Variants in UBA2 observed in about 807,000 individuals in gnomAD.
The protein encoded by UBA2 is ubiquitin like modifier activating enzyme 2, also known as SUMO-activating enzyme subunit 2.
UBA2 carries 11 observed loss-of-function variants against 77.2 expected under a neutral mutation model. The observed-to-expected ratio is 0.14, with a 90% CI of 0.09 to 0.24. The LOEUF (loss-of-function observed/expected upper bound fraction) is 0.24, where lower values mean the gene tolerates loss of function less well. Among genes scored for constraint, UBA2 ranks in the 10% least tolerant of loss-of-function variants. The probability of loss-of-function intolerance (pLI) is 1.00; values close to 1 mark genes in which losing one functional copy is unlikely to be tolerated. For synonymous variants in UBA2, 278 were observed against 276.7 expected, an observed-to-expected ratio of 1.00 and a Z score of -0.05; for missense variants, 487 against 781.7, an observed-to-expected ratio of 0.62 and a Z score of 4.50.
chr19:34,431,436 G>T (rs2075254507), intron 2 of UBA2, among the ~76,000 whole-genome samples: 2 of 151,258 alleles, frequency 1.3e-5, no homozygotes, highest in African/African-American at 2.4e-5. Context: ...CATTCTCATG[G>T]CATTTATCAG....
At position 34,457,179 on chromosome 19, in the gene UBA2, A is replaced by AAAATATAT. The variant is rs1262007864; in HGVS notation, c.1246-1589_1246-1588insAATATATA. ...CCTGGTCTCTACTAAAAAAAAAAAA[A>AAAATATAT]ATATATATATATATATATATATATA... On this transcript the variant is annotated intron_variant, in intron 12 of 16. Transcript: ENST00000246548. 1.0e-3 allele frequency among the ~76,000 whole-genome samples: 53 copies of AAAATATAT among 53,222 alleles called. 1 individual carries two copies. The highest frequency in any genetic ancestry group is 6.0e-3 in the African/African-American group (51 of 8,530). The allele number at this position is 53,222 out of a possible 152,430, so 34.9% of individuals were successfully genotyped here.
intron 12 of UBA2, among the ~76,000 whole-genome samples, chr19:34,456,679 T>TC (rs2075566006): frequency 6.6e-6 from 1 of 151,912 alleles, no homozygotes; most frequent in Non-Finnish European, 1.5e-5. Flanking sequence ...TGCCTCAGCC[T>TC]CCCCAGTAGC....
intron 12 of UBA2, among the ~76,000 whole-genome samples, chr19:34,456,329 G>A (rs967991998): frequency 1.3e-5 from 2 of 151,178 alleles, no homozygotes; most frequent in Non-Finnish European, 2.9e-5. Flanking sequence ...GCCCAGATTG[G>A]TCTCAAACTC....
chr19:34,452,890 C>T (rs890206229), intron 10 of UBA2, among the ~76,000 whole-genome samples: 6 of 152,124 alleles, frequency 3.9e-5, no homozygotes, highest in African/African-American at 1.4e-4. Flanking sequence ...TATTTAGATT[C>T]TTGGGATTCT....
chr19:34,428,680 G>T, intron 1 of UBA2, 110 bp downstream of exon 1: 2 of 1,214,494 alleles, frequency 1.6e-6, no homozygotes, highest in Non-Finnish European at 2.1e-6. Flanking sequence ...GCCCGGGACC[G>T]GAGTTGCGGA....
At chr19:34,448,864 A>G (rs917906367) in intron 8 of UBA2, among the ~76,000 whole-genome samples, 1 of 152,086 alleles carries the variant, frequency 6.6e-6, no homozygotes, top group East Asian at 1.9e-4. Flanking sequence ...GGGGCTCCTG[A>G]TATTTAGTAA....
At chr19:34,464,974 G>A (rs1051256492) in intron 15 of UBA2, among the ~76,000 whole-genome samples, 1 of 152,118 alleles carries the variant, frequency 6.6e-6, no homozygotes, top group Non-Finnish European at 1.5e-5. Flanking sequence ...GGAGGCAGAG[G>A]TTGCAGTGAG....
chr19:34,431,316 G>C (rs1028819921), intron 2 of UBA2, among the ~76,000 whole-genome samples: 2 of 137,290 alleles, frequency 1.5e-5, no homozygotes, highest in African/African-American at 5.4e-5. Flanking sequence ...GGAGTGATGC[G>C]GTCATGGCTT....
chr19:34,430,555 C>A (rs776350927), intron 1 of UBA2, 21 bp from the exon 2 acceptor site: 5 of 1,586,868 alleles, frequency 3.2e-6, no homozygotes, highest in Non-Finnish European at 4.3e-6. Flanking sequence ...TGTCATTTAT[C>A]TGGGGTTTAT....
chr19:34,439,660 T>G (rs1185169510), intron 6 of UBA2, among the ~76,000 whole-genome samples: 1 of 151,864 alleles, frequency 6.6e-6, no homozygotes, highest in East Asian at 1.9e-4. Context: ...CAAAACCGTG[T>G]CTCTACAAAA....
intron 15 of UBA2, among the ~76,000 whole-genome samples, chr19:34,465,101 C>T (rs1178926170): frequency 6.6e-6 from 1 of 152,110 alleles, no homozygotes; most frequent in Non-Finnish European, 1.5e-5. Context: ...TAGACATGGC[C>T]CCCTATTCTG....
intron 16 of UBA2, among the ~76,000 whole-genome samples, chr19:34,468,584 C>T (rs1004349702): frequency 6.6e-6 from 1 of 152,178 alleles, no homozygotes; most frequent in African/African-American, 2.4e-5. Context: ...AAGTCATTCA[C>T]TGAGTTTCCT....
chr19:34,455,613 C>T (rs1418538589), intron 12 of UBA2, among the ~76,000 whole-genome samples: 1 of 152,108 alleles, frequency 6.6e-6, no homozygotes, highest in African/African-American at 2.4e-5. Context: ...TGCAATGGTA[C>T]TGTTATTTTG....
intron 8 of UBA2, 96 bp downstream of exon 8, chr19:34,445,217 GA>G (rs776638349): frequency 1.6e-4 from 209 of 1,295,978 alleles, no homozygotes; most frequent in Non-Finnish European, 2.1e-4. Flanking sequence ...CCATAAAATT[GA>G]ATTAAGCTTC....
intron 14 of UBA2, among the ~76,000 whole-genome samples, chr19:34,461,396 A>T (rs1396409177): frequency 6.6e-6 from 1 of 152,016 alleles, no homozygotes; most frequent in Non-Finnish European, 1.5e-5. Flanking sequence ...TTGTTGAGAA[A>T]TTTTTTGGGC....
intron 12 of UBA2, among the ~76,000 whole-genome samples, chr19:34,458,420 C>T (rs1034845313): frequency 3.3e-5 from 5 of 151,372 alleles, no homozygotes; most frequent in South Asian, 2.1e-4. Flanking sequence ...ATTAGCCGGG[C>T]GAGGTGGCGG....
chr19:34,440,143 G>A (rs1018272531), intron 6 of UBA2, among the ~76,000 whole-genome samples: 8 of 151,996 alleles, frequency 5.3e-5, no homozygotes, highest in Non-Finnish European at 7.4e-5. Flanking sequence ...GGCCAACATG[G>A]CGAAACCCCG....
At position 34,431,926 on chromosome 19, in the gene UBA2, C is replaced by T. The variant is rs758046876; in HGVS notation, c.288C>T (p.Ile96=). ...KANIVAYHDS[I]MNPDYNVEFF... is the part of the protein sequence containing the mutation. ...ATATCGTTGCCTACCATGACAGCAT[C>T]ATGAAGTATGCTATAGTGATTACAT... Residue 96 remains isoleucine, a synonymous_variant, in exon 3 of 17, where the codon ATC becomes ATT. Transcript: ENST00000246548. The T allele has an allele frequency of 8.7e-6, 14 of 1,608,308 alleles. No homozygotes were observed. The highest frequency in any genetic ancestry group is 6.8e-5 in the Admixed American group (4 of 59,114).
chr19:34,461,803 G>A (rs765468877), intron 14 of UBA2, among the ~76,000 whole-genome samples: 49 of 151,696 alleles, frequency 3.2e-4, no homozygotes, highest in Non-Finnish European at 5.6e-4. Context: ...ATTGAGCATC[G>A]TCCAAGGAAA....
Sources: gnomAD v4.1 joint callset for allele counts (sites outside exome capture counted in the v4.1 genomes callset) on GRCh38, gnomAD v4.1.1 for gene constraint, MANE v1.5 for transcripts, NCBI Gene and HGNC (gene_info 2026-07-23, HGNC 2026-07-21) for gene names.